The following PARP8 variants were observed in gnomAD, a reference collection of about 807,000 sequenced individuals.
PARP8 encodes the protein protein mono-ADP-ribosyltransferase PARP8.
A neutral mutation model predicts 124.1 loss-of-function variants in PARP8; 51 were observed. The observed-to-expected ratio is 0.41, with a 90% CI of 0.33 to 0.52. PARP8 has a LOEUF of 0.52. PARP8 is among the 20% of genes least tolerant of loss of function. The pLI is 0.21. For synonymous variants in PARP8, 391 were observed against 361.5 expected, an observed-to-expected ratio of 1.08 and a Z score of -0.93; for missense variants, 860 against 1,018.9, an observed-to-expected ratio of 0.84 and a Z score of 2.12.
chr5:50,777,374 GA>G (rs879533258), intron 7 of PARP8, among the ~76,000 whole-genome samples: 9 of 151,986 alleles, frequency 5.9e-5, no homozygotes, highest in Admixed American at 2.0e-4. Context: ...TGTAACTTCA[GA>G]ATTTTATAAG....
intron 7 of PARP8, 117 bp from the exon 8 acceptor site, chr5:50,777,952 T>C (rs1391819901): frequency 8.1e-6 from 6 of 740,190 alleles, no homozygotes; most frequent in Non-Finnish European, 1.4e-5. Flanking sequence ...ATGTGAGCTA[T>C]TTGTCAAAAT....
chr5:50,687,046 C>A (rs572151305), intron 2 of PARP8, among the ~76,000 whole-genome samples: 1 of 152,176 alleles, frequency 6.6e-6, no homozygotes, highest in Admixed American at 6.5e-5. Flanking sequence ...TTGAATTTCT[C>A]CTCAGAAAAT....
chr5:50,733,187 C>A (rs1757149754), intron 2 of PARP8, among the ~76,000 whole-genome samples: 1 of 151,490 alleles, frequency 6.6e-6, no homozygotes, highest in South Asian at 2.1e-4. Context: ...GCCTATAATC[C>A]CAGCTACTCA....
rs934798855 is a variant in PARP8 at position 50,819,400 on chromosome 5, A to AG, written c.1669-1811dup. ...CTGTGTCATTCCCCTCCTCCCTACA[A>AG]GGTCTCAGAAAAGGCTATTTTATCT... On this transcript the variant is annotated intron_variant, in intron 15 of 25. Coordinates refer to ENST00000281631, the MANE Select transcript of PARP8 (RefSeq NM_024615.4). 1.0e-4 allele frequency among the ~76,000 whole-genome samples: 15 copies of AG among 146,268 alleles called. No individual in the cohort carries two copies. The East Asian group carries it at 1.2e-3, about 12-fold the overall frequency.
At position 50,795,145 on chromosome 5, in the gene PARP8, A is replaced by G. The variant is rs760253558; in HGVS notation, c.1156A>G (p.Thr386Ala). 6.2e-7 allele frequency: 1 copy of G among 1,614,140 alleles called. No individual in the cohort carries two copies. Among genetic ancestry groups the G allele is most frequent in the Admixed American group, 1.7e-5 (1 of 59,998 alleles). The change falls in exon 12 of 26, where the codon ACT becomes GCT. Residue 386 changes from threonine to alanine, a missense_variant. Physicochemically the swap from Thr to Ala is moderately conservative, Grantham distance 58 (BLOSUM62 0). This residue lies in a region of PARP8 where 517 missense variants were observed against 544.2 expected (regional missense o/e 0.95). Coordinates refer to ENST00000281631, the MANE Select transcript of PARP8 (RefSeq NM_024615.4). ...AACTCTAAAGTCGCATAGACTATTG[A>G]CTCGATCTTGTTCTGGAGATCCACG... is the stretch of plus-strand genomic sequence containing the variant. ...CLTLKSHRLL[T>A]RSCSGDPRCE...
At chr5:50,770,482 A>G (rs1056741362) in intron 7 of PARP8, among the ~76,000 whole-genome samples, 1 of 152,034 alleles carries the variant, frequency 6.6e-6, no homozygotes, top group Non-Finnish European at 1.5e-5. Flanking sequence ...TTTTGAACAG[A>G]TCTGTGAACT....
At position 50,842,860 on chromosome 5, in the gene PARP8, C is replaced by CA. The variant is rs1561459571; in HGVS notation, c.*793dup. ...ATTTTTCTGTTTGTCTGAAGAAATT[C>CA]AGCCCTTTTAAAATGTTATCTAAAA... On this transcript the variant is annotated 3_prime_UTR_variant, in exon 26 of 26. Coordinates refer to ENST00000281631, the MANE Select transcript of PARP8 (RefSeq NM_024615.4). The CA allele has an allele frequency of 6.6e-6, 1 of 151,672 alleles. No individual in the cohort carries two copies. The highest frequency in any genetic ancestry group is 1.5e-5 in the Non-Finnish European group (1 of 67,774). The allele number at this position is 151,672 out of a possible 1,614,324, so 9.4% of individuals were successfully genotyped here.
At chr5:50,804,855 T>G (rs1426769959) in intron 14 of PARP8, among the ~76,000 whole-genome samples, 1 of 152,142 alleles carries the variant, frequency 6.6e-6, no homozygotes, top group Non-Finnish European at 1.5e-5. Flanking sequence ...TGATTGAAAA[T>G]CAGATTTGCT....
intron 2 of PARP8, among the ~76,000 whole-genome samples, chr5:50,678,595 T>C (rs530593309): frequency 6.6e-6 from 1 of 152,334 alleles, no homozygotes; most frequent in Non-Finnish European, 1.5e-5. Flanking sequence ...TAGAGATCTA[T>C]GTTTGCGATA....
chr5:50,813,524 C>T (rs1744724624), intron 14 of PARP8, among the ~76,000 whole-genome samples: 1 of 152,120 alleles, frequency 6.6e-6, no homozygotes, highest in African/African-American at 2.4e-5. Flanking sequence ...AATATACAAC[C>T]ATGTCATCTG....
At chr5:50,688,935 G>C (rs1321458909) in intron 2 of PARP8, among the ~76,000 whole-genome samples, 3 of 152,042 alleles carry the variant, frequency 2.0e-5, no homozygotes, top group Admixed American at 2.0e-4. Flanking sequence ...CTTGATCTTG[G>C]ACAGATAGTA....
At chr5:50,825,027 T>C (rs749644121) in intron 18 of PARP8, 52 bp downstream of exon 18, 3 of 1,439,468 alleles carry the variant, frequency 2.1e-6, no homozygotes, top group Admixed American at 3.5e-5. Context: ...TTTCTACTGC[T>C]TGATTTAAGG....
chr5:50,822,487 T>C (rs910600281), intron 17 of PARP8, 87 bp downstream of exon 17: 1 of 1,015,022 alleles, frequency 9.9e-7, no homozygotes, highest in Non-Finnish European at 1.5e-6. Flanking sequence ...TTCTCTATAA[T>C]ACATATCATT....
At chr5:50,807,060 CCA>C (rs1407712540) in intron 14 of PARP8, among the ~76,000 whole-genome samples, 7 of 151,492 alleles carry the variant, frequency 4.6e-5, no homozygotes, top group African/African-American at 1.7e-4. Flanking sequence ...ATCTCGCTTT[CCA>C]AAGTTAGACT....
At position 50,680,185 on chromosome 5, in the gene PARP8, T is replaced by A. The variant is rs1392705130; in HGVS notation, c.146+12060T>A. ...ATACTCATTGCTAGGCTGTCCACTC[T>A]GCCTTCTTCAATACTCTGGATCGGT... On this transcript the variant is annotated intron_variant, in intron 2 of 25. Transcript: ENST00000281631. 3.3e-5 allele frequency among the ~76,000 whole-genome samples: 5 copies of A among 152,342 alleles called. No individual in the cohort carries two copies. The East Asian group carries it at 7.7e-4, about 23-fold the overall frequency.
At chr5:50,809,254 A>G (rs1371995425) in intron 14 of PARP8, among the ~76,000 whole-genome samples, 3 of 152,068 alleles carry the variant, frequency 2.0e-5, no homozygotes, top group Admixed American at 2.0e-4. Flanking sequence ...AGCATTGACT[A>G]TAAAACTGTA....
At chr5:50,684,434 G>A (rs1751628230) in intron 2 of PARP8, among the ~76,000 whole-genome samples, 1 of 54,224 alleles carries the variant, frequency 1.8e-5, no homozygotes, top group African/African-American at 5.0e-5. Flanking sequence ...TAAGAATGCT[G>A]AACTAATATG....
chr5:50,749,249 T>C (rs1758955580), intron 2 of PARP8, among the ~76,000 whole-genome samples: 2 of 152,216 alleles, frequency 1.3e-5, no homozygotes. Context: ...AATTAGTTTT[T>C]TTTGTCTTAA....
chr5:50,815,189 G>C (rs1744961385), intron 14 of PARP8, among the ~76,000 whole-genome samples: 1 of 152,028 alleles, frequency 6.6e-6, no homozygotes, highest in Admixed American at 6.6e-5. Context: ...ATTGTTCTGA[G>C]TGTGTCTAAA....
Sources: gnomAD v4.1 joint callset for allele counts (sites outside exome capture counted in the v4.1 genomes callset) on GRCh38, gnomAD v4.1.1 for gene constraint, gnomAD v4.1.1 regional missense constraint, MANE v1.5 for transcripts, NCBI Gene and HGNC (gene_info 2026-07-23, HGNC 2026-07-21) for gene names.